Variants in LRP1B observed in about 807,000 individuals in gnomAD.
LRP1B encodes the protein LDL receptor related protein 1B.
A neutral mutation model predicts 556.6 loss-of-function variants in LRP1B; 217 were observed. The ratio of observed to expected loss-of-function variants is 0.39; its 90% CI spans 0.35 to 0.44. The LOEUF (loss-of-function observed/expected upper bound fraction) is 0.44. LRP1B is among the 20% of genes least tolerant of loss of function. The pLI is 1.00. For synonymous variants in LRP1B, 2,047 were observed against 1,865.8 expected (o/e 1.10, Z -2.50); for missense variants, 5,053 against 5,620.8 (o/e 0.90, Z 3.23).
intron 10 of LRP1B, among the ~76,000 whole-genome samples, chr2:141,053,413 T>C (rs989001028): frequency 2.0e-5 from 3 of 151,996 alleles, no homozygotes; most frequent in African/African-American, 2.4e-5. Flanking sequence ...AGTTAGGGAC[T>C]ATCAGATGAG....
chr2:141,030,727 A>T (rs1698343929), intron 11 of LRP1B, among the ~76,000 whole-genome samples: 1 of 152,122 alleles, frequency 6.6e-6, no homozygotes, highest in Non-Finnish European at 1.5e-5. Context: ...TCTTCAAGTT[A>T]TCTAAATATA....
intron 1 of LRP1B, among the ~76,000 whole-genome samples, chr2:141,848,352 G>A (rs991130689): frequency 6.6e-6 from 1 of 151,406 alleles, no homozygotes; most frequent in Non-Finnish European, 1.5e-5. Context: ...TGGGACACAG[G>A]CATAAACCAA....
chr2:141,367,108 G>A (rs1689068068), intron 3 of LRP1B, among the ~76,000 whole-genome samples: 1 of 152,030 alleles, frequency 6.6e-6, no homozygotes, highest in African/African-American at 2.4e-5. Flanking sequence ...GCTTTTCTTA[G>A]CCTTTGATAA....
At chr2:141,603,108 T>G (rs917937916) in intron 2 of LRP1B, among the ~76,000 whole-genome samples, 1 of 152,324 alleles carries the variant, frequency 6.6e-6, no homozygotes, top group African/African-American at 2.4e-5. Flanking sequence ...TGAATTAAAT[T>G]TAAGCATAGC....
At chr2:140,363,854 A>T (rs2105149099) in intron 72 of LRP1B, among the ~76,000 whole-genome samples, 1 of 151,672 alleles carries the variant, frequency 6.6e-6, no homozygotes, top group Middle Eastern at 3.4e-3. Context: ...CTCATGCTGT[A>T]TTTTCTTTAT....
intron 18 of LRP1B, among the ~76,000 whole-genome samples, chr2:140,961,701 T>TA (rs1696040150): frequency 6.6e-6 from 1 of 152,112 alleles, no homozygotes; most frequent in Non-Finnish European, 1.5e-5. Flanking sequence ...TACATTATTG[T>TA]TATCACAATA....
At chr2:142,044,539 A>G (rs1337821235) in intron 1 of LRP1B, among the ~76,000 whole-genome samples, 2 of 151,766 alleles carry the variant, frequency 1.3e-5, no homozygotes. Context: ...CTGTACTAAG[A>G]CACTATAAAC....
intron 2 of LRP1B, among the ~76,000 whole-genome samples, chr2:141,703,192 C>T (rs1350162979): frequency 1.3e-5 from 2 of 151,294 alleles, no homozygotes; most frequent in Non-Finnish European, 2.9e-5. Flanking sequence ...TATGAATAAG[C>T]AGTTATTTCT....
At chr2:140,916,634 G>C (rs1355726204) in intron 21 of LRP1B, among the ~76,000 whole-genome samples, 2 of 152,056 alleles carry the variant, frequency 1.3e-5, no homozygotes, top group African/African-American at 4.8e-5. Flanking sequence ...GAATCTAGAG[G>C]GGAAGGTAGA....
chr2:142,054,700 A>G (rs989442250), intron 1 of LRP1B, among the ~76,000 whole-genome samples: 1 of 152,096 alleles, frequency 6.6e-6, no homozygotes, highest in African/African-American at 2.4e-5. Context: ...TGTCTTATTC[A>G]TCTACTGTAT....
At chr2:141,280,266 C>T (rs1453195562) in intron 3 of LRP1B, among the ~76,000 whole-genome samples, 1 of 151,956 alleles carries the variant, frequency 6.6e-6, no homozygotes, top group African/African-American at 2.4e-5. Flanking sequence ...TGCAAACAGT[C>T]CAGCTTCCAT....
At chr2:140,280,290 G>A (rs1439597194) in intron 84 of LRP1B, among the ~76,000 whole-genome samples, 1 of 151,742 alleles carries the variant, frequency 6.6e-6, no homozygotes, top group Non-Finnish European at 1.5e-5. Flanking sequence ...GTTGGAAATA[G>A]TGATAGATGG....
At chr2:141,944,380 C>T (rs1353980588) in intron 1 of LRP1B, among the ~76,000 whole-genome samples, 1 of 152,142 alleles carries the variant, frequency 6.6e-6, no homozygotes, top group Non-Finnish European at 1.5e-5. Flanking sequence ...ACAATACTAC[C>T]TTCCCTATCC....
chr2:141,212,949 A>C (rs1320635162), intron 6 of LRP1B, among the ~76,000 whole-genome samples: 1 of 152,120 alleles, frequency 6.6e-6, no homozygotes, highest in Non-Finnish European at 1.5e-5. Context: ...CAAACTTCTA[A>C]ATACAGACCC....
At chr2:141,719,948 T>C (rs748924402) in intron 2 of LRP1B, among the ~76,000 whole-genome samples, 1 of 152,090 alleles carries the variant, frequency 6.6e-6, no homozygotes, top group Non-Finnish European at 1.5e-5. Flanking sequence ...CTCAGCATCA[T>C]GAAATATACC....
chr2:140,514,770 A>C lies in LRP1B; in HGVS notation c.8152T>G (p.Ser2718Ala). The change falls in exon 51 of 91, where the codon TCT becomes GCT. Residue 2718 changes from serine to alanine, a missense_variant and splice_region_variant. Around this residue, in one of 5 missense-constraint regions of LRP1B, gnomAD observed 3,619 missense variants for 3,931.9 expected, o/e 0.92. Transcript: ENST00000389484. ...GCAAATTGGTTCCAAGAGCAAGAAG[A>C]ATCTAGGAAACAAACAAAAGGAAAA... ...EDGRDEFHCD[S>A]SCSWNQFACS... The C allele has an allele frequency of 1.2e-6, 2 of 1,608,208 alleles. No individual in the cohort carries two copies. Among genetic ancestry groups the C allele is most frequent in the East Asian group, 4.5e-5 (2 of 44,714 alleles).
intron 32 of LRP1B, among the ~76,000 whole-genome samples, chr2:140,792,458 C>T (rs975420331): frequency 2.0e-5 from 3 of 151,924 alleles, no homozygotes; most frequent in Non-Finnish European, 2.9e-5. Flanking sequence ...TTGAGATAAC[C>T]AGAATAAGAC....
chr2:141,902,350 T>C (rs1047134319), intron 1 of LRP1B, among the ~76,000 whole-genome samples: 3 of 151,968 alleles, frequency 2.0e-5, no homozygotes, highest in African/African-American at 7.2e-5. Context: ...TCTCCTGAAG[T>C]AGCATGTATA....
At chr2:141,622,839 C>T (rs1302031494) in intron 2 of LRP1B, among the ~76,000 whole-genome samples, 2 of 152,172 alleles carry the variant, frequency 1.3e-5, no homozygotes, top group East Asian at 1.9e-4. Flanking sequence ...CCTGATCTGA[C>T]CTTAATGTCT....
Sources: gnomAD v4.1 joint callset for allele counts (sites outside exome capture counted in the v4.1 genomes callset) on GRCh38, gnomAD v4.1.1 for gene constraint, gnomAD v4.1.1 regional missense constraint, MANE v1.5 for transcripts, NCBI Gene and HGNC (gene_info 2026-07-23, HGNC 2026-07-21) for gene names.